LIPA: variants seen among roughly 807,000 people sequenced by gnomAD.
LIPA encodes lysosomal acid lipase/cholesteryl ester hydrolase.
Under a neutral mutation model 40.6 loss-of-function variants are expected in LIPA, and 26 were observed. The observed-to-expected ratio is 0.64, with a 90% CI of 0.47 to 0.89. The LOEUF (loss-of-function observed/expected upper bound fraction) is 0.89. Among genes scored for constraint, LIPA ranks in the 40% least tolerant of loss-of-function variants. The pLI, the probability that LIPA is intolerant of heterozygous loss-of-function variation, is 0.00. For synonymous variants in LIPA, 188 were observed against 168.4 expected (o/e 1.12, Z -0.90); for missense variants, 455 against 479.6 (o/e 0.95, Z 0.48).
intron 3 of LIPA, among the ~76,000 whole-genome samples, chr10:89,234,190 C>T (rs957591703): frequency 2.0e-5 from 3 of 152,226 alleles, no homozygotes; most frequent in African/African-American, 7.2e-5. Context: ...TGACACTGCA[C>T]CCAGGCCTTG....
At chr10:89,230,872 A>T (rs1842833103) in intron 3 of LIPA, among the ~76,000 whole-genome samples, 2 of 152,242 alleles carry the variant, frequency 1.3e-5, no homozygotes, top group South Asian at 4.1e-4. Flanking sequence ...AGTTCCAAAA[A>T]TAATTGTTAA....
intron 2 of LIPA, chr10:89,383,830 G>A (rs373013476): frequency 6.8e-6 from 11 of 1,614,092 alleles, no homozygotes; most frequent in African/African-American, 1.3e-5. Context: ...AGGGAACCCT[G>A]AAAACCCTGA....
chr10:89,334,478 C>CTTTTTTTTTTTTTTT lies in LIPA; in HGVS notation c.-2+8118_-2+8132dup, dbSNP rs578154457. Among the ~76,000 whole-genome samples, 85 of 25,346 alleles carry CTTTTTTTTTTTTTTT rather than the reference C, an allele frequency of 3.4e-3. 6 individuals are homozygous for CTTTTTTTTTTTTTTT. The highest frequency in any genetic ancestry group is 4.8e-3 in the Non-Finnish European group (69 of 14,424). 16.6% of individuals were successfully genotyped at this position (25,346 alleles called of 152,430 possible). A position where few individuals can be genotyped will look rare whatever the true frequency, so the allele number is the denominator to read the frequency against. On this transcript the variant is annotated intron_variant, in intron 1 of 5. Transcript: ENST00000282673. Reference sequence around the variant, plus strand: ...TGTTTTTTCTTCTTTTTCTTTTATTCTTTTTTTTTTTTTTTTTTTTTTTTT... The same window carrying CTTTTTTTTTTTTTTT: ...TGTTTTTTCTTCTTTTTCTTTTATTCTTTTTTTTTTTTTTTTTTTTTTTTTTTTTTTTTTTTTTTT...
At chr10:89,268,618 T>C (rs533614360) in intron 1 of LIPA, among the ~76,000 whole-genome samples, 26 of 152,360 alleles carry the variant, frequency 1.7e-4, no homozygotes, top group Non-Finnish European at 1.0e-4. Flanking sequence ...AATCTAAATA[T>C]GTCATTCAGT....
At chr10:89,226,332 G>A (rs527908494) in intron 5 of LIPA, among the ~76,000 whole-genome samples, 1 of 152,060 alleles carries the variant, frequency 6.6e-6, no homozygotes, top group South Asian at 2.1e-4. Flanking sequence ...TTAAAAGGGA[G>A]AATTAAATAA....
intron 2 of LIPA, among the ~76,000 whole-genome samples, chr10:89,353,952 A>C (rs1185198084): frequency 1.3e-5 from 2 of 152,088 alleles, no homozygotes; most frequent in African/African-American, 2.4e-5. Context: ...AAAAAAAAAA[A>C]GAATATAAAG....
At chr10:89,227,169 T>G in intron 4 of LIPA, 165 bp from the exon 5 acceptor site, 1 of 639,864 alleles carries the variant, frequency 1.6e-6, no homozygotes, top group South Asian at 1.8e-5. Flanking sequence ...CCCCTTGGGC[T>G]CTCTTCCAGT....
chr10:89,321,318 A>C (rs1206794013), intron 1 of LIPA, among the ~76,000 whole-genome samples: 1 of 152,242 alleles, frequency 6.6e-6, no homozygotes, highest in African/African-American at 2.4e-5. Context: ...CAATCTACCC[A>C]TCTGACAAAG....
In LIPA at chr10:89,271,911, C is replaced by A. The variant is rs528396312; in HGVS notation, c.-1-24262G>T. Among the ~76,000 whole-genome samples the A allele has an allele frequency of 1.6e-3, 241 of 150,792 alleles. 1 individual carries two copies. Among genetic ancestry groups the A allele is most frequent in the Non-Finnish European group, 2.6e-3 (177 of 67,552 alleles). On this transcript the variant is annotated intron_variant, in intron 1 of 5. Transcript: ENST00000282673. ...AACCCCAACTCTACAAAAAAAAAAA[C>A]CCACAAAAACTAACCAGATACATTG...
intron 2 of LIPA, among the ~76,000 whole-genome samples, chr10:89,355,256 T>G (rs1460232873): frequency 6.6e-6 from 1 of 152,206 alleles, no homozygotes; most frequent in African/African-American, 2.4e-5. Flanking sequence ...TGGTTGAGTT[T>G]GGGGGACAGC....
chr10:89,383,570 A>G, intron 2 of LIPA: 1 of 1,614,228 alleles, frequency 6.2e-7, no homozygotes, highest in Non-Finnish European at 8.5e-7. Flanking sequence ...CAGAAAGAAC[A>G]TGCCAACCAA....
upstream of LIPA, among the ~76,000 whole-genome samples, chr10:89,344,339 A>T (rs1297064054): frequency 1.3e-5 from 2 of 152,240 alleles, no homozygotes; most frequent in Non-Finnish European, 2.9e-5. Flanking sequence ...TCACTTTCTC[A>T]TGGACTACAT....
intron 2 of LIPA, among the ~76,000 whole-genome samples, chr10:89,386,113 C>T (rs1265538661): frequency 6.6e-6 from 1 of 152,146 alleles, no homozygotes; most frequent in Admixed American, 6.5e-5. Flanking sequence ...AGTCATAGCA[C>T]GCTGCAGCCT....
intron 2 of LIPA, among the ~76,000 whole-genome samples, chr10:89,399,412 T>C (rs1015753641): frequency 3.9e-5 from 6 of 152,238 alleles, no homozygotes; most frequent in Admixed American, 3.9e-4. Context: ...TGTTATTGCC[T>C]GTGATTTTGG....
At chr10:89,347,367 C>T (rs568452344), upstream of LIPA, among the ~76,000 whole-genome samples, 3 of 152,324 alleles carry the variant, frequency 2.0e-5, no homozygotes, top group South Asian at 4.1e-4. Context: ...AGAAGGAAAG[C>T]AAGTGTTAGC....
At chr10:89,347,119 T>C (rs1843928605), upstream of LIPA, among the ~76,000 whole-genome samples, 1 of 152,206 alleles carries the variant, frequency 6.6e-6, no homozygotes, top group Non-Finnish European at 1.5e-5. Context: ...AGCCTTATTA[T>C]AACAAAAGTA....
chr10:89,215,923 G>C lies in LIPA; in HGVS notation c.966+15C>G. ...TTTTCAGGGCCCCCTTTAATGAAAA[G>C]ACTAAAAACTTTACCTGGTTGTAAT... On this transcript the variant is annotated intron_variant, in intron 9 of 9. Transcript: ENST00000336233. 1.3e-6 allele frequency: 2 copies of C among 1,567,998 alleles called. No homozygotes were observed. The highest frequency in any genetic ancestry group is 1.8e-6 in the Non-Finnish European group (2 of 1,138,036).
intron 2 of LIPA, chr10:89,392,471 A>ACCCCCCCCCCCCCCCC (rs11296868): frequency 7.7e-6 from 1 of 130,458 alleles, no homozygotes; most frequent in Non-Finnish European, 1.6e-5. Context: ...TTCATTCCCC[A>ACCCCCCCCCCCCCCCC]CCCCCCCCCG....
chr10:89,306,270 A>G, intron 1 of LIPA: 3 of 1,614,148 alleles, frequency 1.9e-6, no homozygotes, highest in Non-Finnish European at 2.5e-6. Context: ...TGGGTCTACT[A>G]TCACATGGGC....
Sources: allele counts gnomAD v4.1 joint callset (sites outside exome capture counted in the v4.1 genomes callset), GRCh38; gene constraint gnomAD v4.1.1; transcripts MANE v1.5; gene names NCBI Gene and HGNC (gene_info 2026-07-23, HGNC 2026-07-21).